LOC128462377: variants seen among roughly 807,000 people sequenced by gnomAD.
the LOC128462377 span, among the ~76,000 whole-genome samples, chr16:89,345,019 G>A: frequency 6.6e-6 from 1 of 152,196 alleles, no homozygotes; most frequent in African/African-American, 2.4e-5. Context: ...TGAGGCAGGA[G>A]GAACGGCAAG....
At chr16:89,375,592 T>C in the LOC128462377 span, among the ~76,000 whole-genome samples, 4 of 151,976 alleles carry the variant, frequency 2.6e-5, no homozygotes, top group Non-Finnish European at 5.9e-5. Flanking sequence ...CCCGAGTGAT[T>C]ACAGGCGCCC....
the LOC128462377 span, among the ~76,000 whole-genome samples, chr16:89,411,982 C>G: frequency 2.5e-5 from 3 of 120,508 alleles, no homozygotes; most frequent in African/African-American, 6.5e-5. Context: ...AGGTACTGGG[C>G]TGAGATGCCT....
chr16:89,363,833 A>G, the LOC128462377 span, among the ~76,000 whole-genome samples: 1 of 152,136 alleles, frequency 6.6e-6, no homozygotes. Context: ...GGCAAGGAGG[A>G]CTGACTGAGG....
the LOC128462377 span, among the ~76,000 whole-genome samples, chr16:89,348,354 AC>A: frequency 6.6e-6 from 1 of 152,146 alleles, no homozygotes; most frequent in African/African-American, 2.4e-5. Context: ...TCTGAGATAA[AC>A]CCCGCTTGCT....
the LOC128462377 span, among the ~76,000 whole-genome samples, chr16:89,415,684 T>C: frequency 6.6e-6 from 1 of 150,550 alleles, no homozygotes; most frequent in Non-Finnish European, 1.5e-5. Context: ...AAAAATCAGC[T>C]GGGTGTGGTG....
chr16:89,330,310 TG>T, the LOC128462377 span, among the ~76,000 whole-genome samples: 1 of 151,572 alleles, frequency 6.6e-6, no homozygotes, highest in East Asian at 2.0e-4. Flanking sequence ...AGCTTCTGGG[TG>T]GGTGGGAAGG....
At chr16:89,369,414 C>A in the LOC128462377 span, among the ~76,000 whole-genome samples, 13 of 152,232 alleles carry the variant, frequency 8.5e-5, 1 homozygote, top group South Asian at 2.5e-3. Flanking sequence ...TGCTCTGATG[C>A]CTGCTGCAGC....
the LOC128462377 span, among the ~76,000 whole-genome samples, chr16:89,330,544 A>AT: frequency 6.7e-6 from 1 of 149,766 alleles, no homozygotes; most frequent in African/African-American, 2.4e-5. Context: ...CAGTGCAGTC[A>AT]TTGATGGGGT....
chr16:89,355,941 A>C, the LOC128462377 span, among the ~76,000 whole-genome samples: 1 of 152,064 alleles, frequency 6.6e-6, no homozygotes, highest in Non-Finnish European at 1.5e-5. Flanking sequence ...ACGCTAAGTG[A>C]CTCGCCCAAG....
At chr16:89,318,235 C>T in the LOC128462377 span, among the ~76,000 whole-genome samples, 328 of 152,328 alleles carry the variant, frequency 2.2e-3, no homozygotes, top group Admixed American at 5.8e-3. Flanking sequence ...TGGACACTCT[C>T]GGAGCATGGG....
chr16:89,344,050 C>A, the LOC128462377 span, among the ~76,000 whole-genome samples: 6 of 152,182 alleles, frequency 3.9e-5, no homozygotes, highest in African/African-American at 1.4e-4. Context: ...CCCGGCCCCG[C>A]CCCTCCTGCT....
chr16:89,387,357 C>A, the LOC128462377 span, among the ~76,000 whole-genome samples: 1 of 152,120 alleles, frequency 6.6e-6, no homozygotes, highest in Non-Finnish European at 1.5e-5. Context: ...CTCTGCACCA[C>A]AGGTCTGTGA....
chr16:89,317,234 G>C, the LOC128462377 span, among the ~76,000 whole-genome samples: 4 of 152,224 alleles, frequency 2.6e-5, no homozygotes, highest in Non-Finnish European at 4.4e-5. Context: ...GGACTTCTCA[G>C]GATACGCCTC....
chr16:89,405,925 C>T, the LOC128462377 span, among the ~76,000 whole-genome samples: 4 of 152,028 alleles, frequency 2.6e-5, no homozygotes, highest in African/African-American at 9.7e-5. Context: ...GTCTGGCCAA[C>T]ATGGTAAAGC....
the LOC128462377 span, chr16:89,324,353 G>A: frequency 7.4e-6 from 8 of 1,082,070 alleles, no homozygotes; most frequent in Non-Finnish European, 1.0e-5. Flanking sequence ...CACAGAAGAG[G>A]GAAAAAGCCA....
chr16:89,382,900 G>T, the LOC128462377 span, among the ~76,000 whole-genome samples: 3 of 152,142 alleles, frequency 2.0e-5, no homozygotes, highest in African/African-American at 7.2e-5. Context: ...GAGTGCAGCA[G>T]CATGATCTCG....
the LOC128462377 span, among the ~76,000 whole-genome samples, chr16:89,417,866 G>C: frequency 6.6e-6 from 1 of 152,090 alleles, no homozygotes; most frequent in African/African-American, 2.4e-5. Flanking sequence ...CTAACGAGCA[G>C]AACAGCTCCC....
At chr16:89,328,337 C>T in the LOC128462377 span, among the ~76,000 whole-genome samples, 1 of 152,154 alleles carries the variant, frequency 6.6e-6, no homozygotes, top group African/African-American at 2.4e-5. Flanking sequence ...ACAACTGCAC[C>T]CCAGGACATT....
chr16:89,323,271 C>T, the LOC128462377 span: 1 of 1,285,024 alleles, frequency 7.8e-7, no homozygotes, highest in African/African-American at 1.5e-5. Flanking sequence ...ACCTGGCAGG[C>T]CTACTGTGTG....
Sources: gnomAD v4.1 joint callset for allele counts (sites outside exome capture counted in the v4.1 genomes callset) on GRCh38, gnomAD v4.1.1 for gene constraint, MANE v1.5 for transcripts.